TRMT1L: variants seen among roughly 807,000 people sequenced by gnomAD.
The protein encoded by TRMT1L is tRNA (guanine(27)-N(2))-dimethyltransferase.
In TRMT1L, 28 loss-of-function variants were observed where a neutral mutation model predicts 81.6. The ratio of observed to expected loss-of-function variants is 0.34; its 90% CI spans 0.25 to 0.47. The LOEUF is 0.47. Among genes scored for constraint, TRMT1L ranks in the 20% least tolerant of loss-of-function variants. The pLI is 1.00. For missense variants in TRMT1L, 739 were observed against 877.1 expected, an observed-to-expected ratio of 0.84 and a Z score of 1.99; for synonymous variants, 301 against 303.2, an observed-to-expected ratio of 0.99 and a Z score of 0.07.
intron 2 of TRMT1L, among the ~76,000 whole-genome samples, chr1:185,150,864 A>G (rs539947067): frequency 6.6e-6 from 1 of 152,222 alleles, no homozygotes; most frequent in Admixed American, 6.5e-5. Context: ...AAGGACAGGG[A>G]TTGGACAAAG....
At chr1:185,123,189 A>G (rs1571341485) in intron 13 of TRMT1L, among the ~76,000 whole-genome samples, 1 of 152,304 alleles carries the variant, frequency 6.6e-6, no homozygotes, top group Non-Finnish European at 1.5e-5. Flanking sequence ...TCAACATTAA[A>G]CTGCTGAGCA....
At chr1:185,153,789 A>C (rs1653424233) in intron 1 of TRMT1L, among the ~76,000 whole-genome samples, 2 of 152,208 alleles carry the variant, frequency 1.3e-5, no homozygotes, top group Non-Finnish European at 2.9e-5. Context: ...CCAAGGAGAC[A>C]GGAGATGGTG....
chr1:185,143,906 C>T lies in TRMT1L; in HGVS notation c.779G>A (p.Arg260Gln), dbSNP rs745849394. The T allele has an allele frequency of 1.2e-6, 2 of 1,602,204 alleles. No individual in the cohort carries two copies. Among genetic ancestry groups the T allele is most frequent in the Admixed American group, 1.7e-5 (1 of 59,154 alleles). Residue 260 changes from arginine to glutamine, a missense_variant and splice_region_variant, in exon 6 of 15, where the codon CGG becomes CAG. Physicochemically the swap from Arg to Gln is conservative, Grantham distance 43. Transcript: ENST00000367506. ...TAACCCTATTTTCAATTTATCTTACCGATTTAGTTTCATTTTGGGGTTAAA... is the reference window on the plus strand; with the variant it reads ...TAACCCTATTTTCAATTTATCTTACTGATTTAGTTTCATTTTGGGGTTAAA... ...SYFNPKMKLN[R>Q]QLIFCTLAAL...
intron 3 of TRMT1L, among the ~76,000 whole-genome samples, chr1:185,147,720 A>G (rs1653226984): frequency 6.6e-6 from 1 of 152,110 alleles, no homozygotes; most frequent in African/African-American, 2.4e-5. Flanking sequence ...CTCATGCCCT[A>G]AAATGTAGAA....
Position 185,153,686 on chromosome 1 carries a change from A to T in TRMT1L, c.236-1751T>A, listed in dbSNP as rs564460915. ...ACTTGCTTTTTTTTAAGTATGGGGA[A>T]CCTGAATATATGTGCATTCCAAGAG... is the stretch of plus-strand genomic sequence containing the variant. On this transcript the variant is annotated intron_variant, in intron 1 of 14. Coordinates refer to ENST00000367506, the MANE Select transcript of TRMT1L (RefSeq NM_030934.5). 2.2e-4 allele frequency among the ~76,000 whole-genome samples: 33 copies of T among 152,272 alleles called. No individual in the cohort carries two copies. The South Asian group carries it at 6.6e-3, about 31-fold the overall frequency.
chr1:185,151,781 T>A, intron 2 of TRMT1L, 44 bp downstream of exon 2: 1 of 1,291,098 alleles, frequency 7.7e-7, no homozygotes, highest in Non-Finnish European at 1.1e-6. Context: ...AGATGATAAA[T>A]TATTAGAAAC....
chr1:185,153,385 TC>T (rs1166431340), intron 1 of TRMT1L, among the ~76,000 whole-genome samples: 15 of 152,070 alleles, frequency 9.9e-5, no homozygotes, highest in Admixed American at 9.2e-4. Context: ...GTAGAAGGAA[TC>T]AGGAATGTAG....
At chr1:185,124,706 A>C (rs918761135) in intron 12 of TRMT1L, 7 of 251,992 alleles carry the variant, frequency 2.8e-5, no homozygotes, top group South Asian at 1.0e-4. Flanking sequence ...CAAAAAAAAA[A>C]CAACAAAACC....
At chr1:185,122,084 G>C (rs575665320) in intron 13 of TRMT1L, among the ~76,000 whole-genome samples, 1 of 152,286 alleles carries the variant, frequency 6.6e-6, no homozygotes, top group South Asian at 2.1e-4. Context: ...TAACGGCCTA[G>C]AGTGCCATCC....
chr1:185,142,775 A>T (rs1415814983), intron 7 of TRMT1L, among the ~76,000 whole-genome samples: 1 of 152,162 alleles, frequency 6.6e-6, no homozygotes, highest in Non-Finnish European at 1.5e-5. Context: ...GACTGCGGGA[A>T]ACTCTATGGG....
intron 13 of TRMT1L, among the ~76,000 whole-genome samples, chr1:185,122,682 A>ATTTTTTT (rs374716894): frequency 8.4e-6 from 1 of 118,874 alleles, no homozygotes. Context: ...CTTAAATCTA[A>ATTTTTTT]TTTTTTTTTT....
At chr1:185,137,542 G>A (rs1652930458) in intron 10 of TRMT1L, 64 bp downstream of exon 10, 1 of 1,423,756 alleles carries the variant, frequency 7.0e-7, no homozygotes, top group Non-Finnish European at 9.9e-7. Context: ...GTATAATTAG[G>A]TATGTGATAA....
At chr1:185,136,204 G>A (rs1652894664) in intron 10 of TRMT1L, among the ~76,000 whole-genome samples, 1 of 152,082 alleles carries the variant, frequency 6.6e-6, no homozygotes, top group Admixed American at 6.5e-5. Flanking sequence ...CAGGTCAGGA[G>A]TTTCAGACTA....
chr1:185,126,039 T>C lies in TRMT1L; in HGVS notation c.1593-929A>G, dbSNP rs1652619973. On this transcript the variant is annotated intron_variant, in intron 11 of 14. Transcript: ENST00000367506. ...AGAATCACAGGTATAATGGACAAAATATGAAATTCTGAGTATGATAAACTG... is the reference window on the plus strand; with the variant it reads ...AGAATCACAGGTATAATGGACAAAACATGAAATTCTGAGTATGATAAACTG... Among the ~76,000 whole-genome samples the C allele has an allele frequency of 1.3e-5, 2 of 152,096 alleles. 1 individual carries two copies. The highest frequency in any genetic ancestry group is 2.9e-5 in the Non-Finnish European group (2 of 68,022).
chr1:185,126,570 A>C (rs1179591615), intron 11 of TRMT1L, among the ~76,000 whole-genome samples: 1 of 152,256 alleles, frequency 6.6e-6, no homozygotes, highest in Non-Finnish European at 1.5e-5. Flanking sequence ...TGTGATCAAT[A>C]TAAGATATAC....
intron 7 of TRMT1L, among the ~76,000 whole-genome samples, chr1:185,142,203 G>C (rs548905620): frequency 2.2e-4 from 33 of 152,284 alleles, no homozygotes; most frequent in African/African-American, 7.7e-4. Flanking sequence ...CATCATGGTA[G>C]TAGCAGTAGT....
intron 13 of TRMT1L, among the ~76,000 whole-genome samples, chr1:185,122,682 A>ATTTTTT (rs374716894): frequency 4.2e-5 from 5 of 118,876 alleles, no homozygotes; most frequent in South Asian, 2.7e-4. Context: ...CTTAAATCTA[A>ATTTTTT]TTTTTTTTTT....
chr1:185,122,077 C>T (rs564149851), intron 13 of TRMT1L, among the ~76,000 whole-genome samples: 6 of 152,254 alleles, frequency 3.9e-5, no homozygotes, highest in East Asian at 3.9e-4. Flanking sequence ...ATTAGGATAA[C>T]GGCCTAGAGT....
chr1:185,140,548 G>C (rs1375868379), intron 7 of TRMT1L, among the ~76,000 whole-genome samples: 1 of 151,898 alleles, frequency 6.6e-6, no homozygotes. Context: ...ATACAAATGG[G>C]ATTACTCTGC....
Sources: gnomAD v4.1 joint callset for allele counts (sites outside exome capture counted in the v4.1 genomes callset) on GRCh38, gnomAD v4.1.1 for gene constraint, MANE v1.5 for transcripts, NCBI Gene and HGNC (gene_info 2026-07-23, HGNC 2026-07-21) for gene names.